HSD17B12: variants seen among roughly 807,000 people sequenced by gnomAD.
The protein encoded by HSD17B12 is hydroxysteroid 17-beta dehydrogenase 12.
Under a neutral mutation model 39.3 loss-of-function variants are expected in HSD17B12, and 32 were observed. That is an observed-to-expected ratio of 0.81 (90% CI 0.61 to 1.09). The LOEUF (loss-of-function observed/expected upper bound fraction) is 1.09, where lower values mean the gene tolerates loss of function less well. HSD17B12 is among the 50% of genes least tolerant of loss of function. The pLI is 0.00. For synonymous variants in HSD17B12, 150 were observed against 146.7 expected (o/e 1.02, Z -0.16); for missense variants, 342 against 382.9 (o/e 0.89, Z 0.89).
chr11:43,665,019 T>C, the HSD17B12 span, among the ~76,000 whole-genome samples: 88 of 152,296 alleles, frequency 5.8e-4, no homozygotes, highest in African/African-American at 2.1e-3. Context: ...AAGAGACCCA[T>C]GTTAAAGTCT....
At chr11:43,574,294 G>A in the HSD17B12 span, among the ~76,000 whole-genome samples, 2 of 152,196 alleles carry the variant, frequency 1.3e-5, no homozygotes, top group South Asian at 4.1e-4. Flanking sequence ...AAATCCAAGT[G>A]ATAACCTCTG....
chr11:43,637,228 T>C, the HSD17B12 span, among the ~76,000 whole-genome samples: 1 of 139,994 alleles, frequency 7.1e-6, no homozygotes, highest in Non-Finnish European at 1.5e-5. Flanking sequence ...TTTTTTTTTT[T>C]TTTTTTTTTT....
At chr11:43,826,056 G>A (rs1951233160) in intron 6 of HSD17B12, among the ~76,000 whole-genome samples, 1 of 150,762 alleles carries the variant, frequency 6.6e-6, no homozygotes, top group South Asian at 2.1e-4. Context: ...AACTGTGTAT[G>A]ATTGTATATG....
At chr11:43,826,594 TG>T (rs1388794669) in intron 6 of HSD17B12, among the ~76,000 whole-genome samples, 1 of 152,120 alleles carries the variant, frequency 6.6e-6, no homozygotes, top group Non-Finnish European at 1.5e-5. Context: ...GCTGGGAAAA[TG>T]GCAAGGCAGG....
At chr11:43,748,801 C>G (rs751971532) in intron 1 of HSD17B12, among the ~76,000 whole-genome samples, 2 of 151,974 alleles carry the variant, frequency 1.3e-5, no homozygotes, top group Non-Finnish European at 2.9e-5. Context: ...GCCAGAGTAC[C>G]AGTTTATTTT....
chr11:43,657,399 A>T, the HSD17B12 span, among the ~76,000 whole-genome samples: 18 of 152,318 alleles, frequency 1.2e-4, no homozygotes, highest in African/African-American at 4.3e-4. Context: ...TAGCGCATTT[A>T]CATTTAAGGT....
At chr11:43,749,437 A>G (rs1212550942) in intron 1 of HSD17B12, among the ~76,000 whole-genome samples, 1 of 152,090 alleles carries the variant, frequency 6.6e-6, no homozygotes, top group Non-Finnish European at 1.5e-5. Context: ...TATTGTGGCT[A>G]TTTTTCATAG....
chr11:43,562,398 A>T, the HSD17B12 span, among the ~76,000 whole-genome samples: 3 of 152,214 alleles, frequency 2.0e-5, no homozygotes, highest in Non-Finnish European at 4.4e-5. Flanking sequence ...TGGTTATGTG[A>T]CTTTTGATAA....
chr11:43,793,724 G>C (rs903408676), intron 3 of HSD17B12, among the ~76,000 whole-genome samples: 1 of 152,256 alleles, frequency 6.6e-6, no homozygotes, highest in Admixed American at 6.5e-5. Flanking sequence ...TTCCTTTTCT[G>C]TCAATTCCAG....
the HSD17B12 span, among the ~76,000 whole-genome samples, chr11:43,651,076 A>G: frequency 6.6e-6 from 1 of 152,228 alleles, no homozygotes; most frequent in Non-Finnish European, 1.5e-5. Context: ...TATATCTACC[A>G]TGCATAATGT....
chr11:43,757,667 A>AC (rs1554965301), intron 3 of HSD17B12, among the ~76,000 whole-genome samples: 1 of 143,296 alleles, frequency 7.0e-6, no homozygotes, highest in African/African-American at 2.6e-5. Flanking sequence ...AAAAAAAAAA[A>AC]CAAATAGGTA....
At chr11:43,776,960 T>C (rs1292926019) in intron 3 of HSD17B12, among the ~76,000 whole-genome samples, 1 of 152,180 alleles carries the variant, frequency 6.6e-6, no homozygotes, top group African/African-American at 2.4e-5. Flanking sequence ...GTTCCATTGA[T>C]CTATATCTCT....
chr11:43,720,940 T>A (rs1270515374), intron 1 of HSD17B12, among the ~76,000 whole-genome samples: 1 of 152,058 alleles, frequency 6.6e-6, no homozygotes, highest in Non-Finnish European at 1.5e-5. Flanking sequence ...AGTAAGCTGT[T>A]TTTGTGTTGG....
At chr11:43,824,502 G>A (rs1951213315) in intron 6 of HSD17B12, among the ~76,000 whole-genome samples, 2 of 152,168 alleles carry the variant, frequency 1.3e-5, no homozygotes, top group African/African-American at 4.8e-5. Flanking sequence ...TGTCGAGTGA[G>A]GACCCCATTC....
chr11:43,677,173 G>T (rs1949700065), upstream of HSD17B12, among the ~76,000 whole-genome samples: 1 of 152,198 alleles, frequency 6.6e-6, no homozygotes, highest in Non-Finnish European at 1.5e-5. Flanking sequence ...AGAGAATGGA[G>T]AAGGGGGGGT....
the HSD17B12 span, among the ~76,000 whole-genome samples, chr11:43,621,782 T>C: frequency 2.4e-4 from 37 of 152,260 alleles, no homozygotes; most frequent in African/African-American, 8.9e-4. Flanking sequence ...CAACTAGAAA[T>C]GGAGATATTT....
At chr11:43,638,337 T>C in the HSD17B12 span, among the ~76,000 whole-genome samples, 4 of 152,116 alleles carry the variant, frequency 2.6e-5, no homozygotes, top group African/African-American at 9.7e-5. Flanking sequence ...CATGTTAGGA[T>C]GAAGGGAAAG....
chr11:43,593,162 C>T, the HSD17B12 span, among the ~76,000 whole-genome samples: 1 of 152,140 alleles, frequency 6.6e-6, no homozygotes, highest in African/African-American at 2.4e-5. Context: ...AGCAAAGACC[C>T]TAGGCCATCT....
intron 3 of HSD17B12, among the ~76,000 whole-genome samples, chr11:43,779,918 A>G (rs1242223169): frequency 6.6e-6 from 1 of 152,134 alleles, no homozygotes; most frequent in African/African-American, 2.4e-5. Context: ...GATAAAGAAA[A>G]CTTGGTTTCT....
Sources: gnomAD v4.1 joint callset for allele counts (sites outside exome capture counted in the v4.1 genomes callset) on GRCh38, gnomAD v4.1.1 for gene constraint, MANE v1.5 for transcripts, NCBI Gene and HGNC (gene_info 2026-07-23, HGNC 2026-07-21) for gene names.